The following TMEM114 variants were observed in gnomAD, a reference collection of about 807,000 sequenced individuals.
TMEM114 encodes the protein transmembrane protein 114.
Under a neutral mutation model 6.2 loss-of-function variants are expected in TMEM114, and 6 were observed. That is an observed-to-expected ratio of 0.97 (90% CI 0.53 to 1.91). The LOEUF is 1.91. Among genes scored for constraint, TMEM114 ranks in the 40% most tolerant of loss-of-function variants. TMEM114 has a pLI of 0.01. For synonymous variants in TMEM114, 104 were observed against 73.0 expected, an observed-to-expected ratio of 1.42 and a Z score of -2.16; for missense variants, 218 against 158.3, an observed-to-expected ratio of 1.38 and a Z score of -2.02.
rs57591057 is a variant in TMEM114 at position 8,549,501 on chromosome 16, GA to G, written n.213-11676del. 5.5e-3 allele frequency among the ~76,000 whole-genome samples: 585 copies of G among 106,838 alleles called. 2 individuals carry two copies. Among genetic ancestry groups the G allele is most frequent in the African/African-American group, 0.013 (400 of 30,502 alleles). The allele number at this position is 106,838 out of a possible 152,430, so 70.1% of individuals were successfully genotyped here. A position where few individuals can be genotyped will look rare whatever the true frequency, so the allele number is the denominator to read the frequency against. ...GGCAACAAGAGCAAAACTCCGTCTC[GA>G]AAAAAAAAAAAAAAAGAATGCATGA... On this transcript the variant is annotated intron_variant and non_coding_transcript_variant, in intron 2 of 2. Coordinates refer to the TMEM114 transcript ENST00000623677.
At chr16:8,584,608 G>C (rs760538338) in intron 2 of TMEM114, among the ~76,000 whole-genome samples, 9 of 152,116 alleles carry the variant, frequency 5.9e-5, no homozygotes, top group Non-Finnish European at 1.0e-4. Flanking sequence ...AGGTGTGTTA[G>C]TCTGTTTTCA....
At chr16:8,555,543 C>T (rs142855706) in intron 2 of TMEM114, among the ~76,000 whole-genome samples, 1 of 152,156 alleles carries the variant, frequency 6.6e-6, no homozygotes, top group Non-Finnish European at 1.5e-5. Flanking sequence ...CAATGGTAAA[C>T]TGTCATGGCG....
intron 2 of TMEM114, among the ~76,000 whole-genome samples, chr16:8,560,243 C>T (rs1174251266): frequency 1.3e-5 from 2 of 151,952 alleles, no homozygotes; most frequent in African/African-American, 4.8e-5. Context: ...AGCGATCCTC[C>T]TGTCTTGGCC....
At chr16:8,562,208 A>T (rs564852317) in intron 2 of TMEM114, among the ~76,000 whole-genome samples, 1 of 144,882 alleles carries the variant, frequency 6.9e-6, no homozygotes, top group East Asian at 2.2e-4. Context: ...GAGTCAGTGA[A>T]TGAGTGAGTA....
At chr16:8,562,030 G>A (rs1865622899) in intron 2 of TMEM114, among the ~76,000 whole-genome samples, 1 of 150,810 alleles carries the variant, frequency 6.6e-6, no homozygotes, top group South Asian at 2.1e-4. Flanking sequence ...GTGAGTGAAT[G>A]AGTGAGTAAA....
At chr16:8,540,614 G>T (rs1900490869) in intron 2 of TMEM114, among the ~76,000 whole-genome samples, 1 of 140,068 alleles carries the variant, frequency 7.1e-6, no homozygotes, top group Non-Finnish European at 1.6e-5. Flanking sequence ...AGGTGAAGTA[G>T]AATTCAATTC....
chr16:8,549,235 C>A (rs1481936667), intron 2 of TMEM114, among the ~76,000 whole-genome samples: 12 of 143,640 alleles, frequency 8.4e-5, no homozygotes, highest in Non-Finnish European at 1.5e-4. Context: ...GGTGGTGGCT[C>A]ACACCTATAA....
chr16:8,559,828 G>A (rs1013977304), intron 2 of TMEM114, among the ~76,000 whole-genome samples: 2 of 152,154 alleles, frequency 1.3e-5, no homozygotes, highest in Non-Finnish European at 1.5e-5. Flanking sequence ...GACAGAAGCT[G>A]CAGCACCAGG....
intron 3 of TMEM114, 122 bp from the exon 4 acceptor site, chr16:8,570,127 G>A (rs1901683249): frequency 3.7e-6 from 5 of 1,336,950 alleles, no homozygotes; most frequent in Non-Finnish European, 5.1e-6. Context: ...TTCCTGCTGC[G>A]GGACCTTTGC....
intron 2 of TMEM114, among the ~76,000 whole-genome samples, chr16:8,544,023 C>T (rs923757445): frequency 3.3e-5 from 5 of 152,124 alleles, no homozygotes; most frequent in Admixed American, 6.5e-5. Flanking sequence ...GGAAGCGCAA[C>T]GCTAAATGCC....
At chr16:8,564,672 A>C (rs573763509), downstream of TMEM114, among the ~76,000 whole-genome samples, 1 of 92,116 alleles carries the variant, frequency 1.1e-5, no homozygotes, top group South Asian at 3.3e-4. Context: ...GGAGGGAGGG[A>C]ATGAGTGAAT....
chr16:8,589,396 G>C (rs1902414170), intron 1 of TMEM114, 103 bp from the exon 2 acceptor site: 3 of 398,392 alleles, frequency 7.5e-6, no homozygotes, highest in East Asian at 3.6e-5. Flanking sequence ...CCCCACCCGG[G>C]GAGGGCGCGG....
rs1567206207 is a variant in TMEM114 at position 8,569,836 on chromosome 16, C to T, written c.609G>A (p.Gly203=). 5.8e-6 allele frequency: 9 copies of T among 1,551,026 alleles called. No homozygotes were observed. In the South Asian group the frequency reaches 9.5e-5, roughly 16 times the overall value. ...WISFIAELLT[G]AAFLAAAREL... ...CGCGGGCTGCTGCCAGGAAGGCTGC[C>T]CCGGTGAGCAGCTCGGCGATGAAGC... is the stretch of plus-strand genomic sequence containing the variant. The change falls in exon 4 of 4, where the codon GGG becomes GGA. Residue 203 remains glycine (G), a synonymous_variant. Coordinates refer to ENST00000620492, the MANE Select transcript of TMEM114 (RefSeq NM_001146336.2).
intron 2 of TMEM114, among the ~76,000 whole-genome samples, chr16:8,563,813 ATGAG>A (rs143745671): frequency 1.7e-5 from 2 of 120,208 alleles, no homozygotes; most frequent in African/African-American, 3.4e-5. Context: ...GAGGGAGGGA[ATGAG>A]TGAGTGAGTG....
At chr16:8,572,862 C>T (rs1344950530) in intron 2 of TMEM114, among the ~76,000 whole-genome samples, 4 of 152,182 alleles carry the variant, frequency 2.6e-5, no homozygotes, top group Non-Finnish European at 5.9e-5. Context: ...TGGTTTGGGC[C>T]TTGGCTCTGC....
intron 2 of TMEM114, among the ~76,000 whole-genome samples, chr16:8,564,153 G>C (rs1029852672): frequency 1.3e-5 from 2 of 151,142 alleles, no homozygotes; most frequent in Non-Finnish European, 2.9e-5. Context: ...GAGTGAATGA[G>C]TTAGTGAATG....
chr16:8,546,264 C>G (rs1412714367), intron 2 of TMEM114, among the ~76,000 whole-genome samples: 5 of 152,192 alleles, frequency 3.3e-5, no homozygotes, highest in Admixed American at 3.3e-4. Flanking sequence ...TAACTCATTT[C>G]AAACTGGTAA....
At chr16:8,551,613 G>C (rs775035607) in intron 2 of TMEM114, among the ~76,000 whole-genome samples, 2 of 152,186 alleles carry the variant, frequency 1.3e-5, no homozygotes, top group African/African-American at 2.4e-5. Flanking sequence ...CCATACTAAA[G>C]TTTGACAAGA....
At chr16:8,553,742 A>T (rs1471778685) in intron 2 of TMEM114, among the ~76,000 whole-genome samples, 1 of 151,626 alleles carries the variant, frequency 6.6e-6, no homozygotes, top group African/African-American at 2.4e-5. Context: ...CGGCCTCCCA[A>T]AGTGCTGGGA....
Sources: allele counts gnomAD v4.1 joint callset (sites outside exome capture counted in the v4.1 genomes callset), GRCh38; gene constraint gnomAD v4.1.1; transcripts MANE v1.5; gene names NCBI Gene and HGNC (gene_info 2026-07-23, HGNC 2026-07-21).